ATP8B1: variants seen among roughly 807,000 people sequenced by gnomAD.
ATP8B1 encodes ATPase phospholipid transporting 8B1.
A neutral mutation model predicts 149.9 loss-of-function variants in ATP8B1; 80 were observed. That is an observed-to-expected ratio of 0.53 (90% CI 0.45 to 0.64). The LOEUF is 0.64. ATP8B1 is among the 30% of genes least tolerant of loss of function. The pLI is 0.00. For missense variants in ATP8B1, 1,247 were observed against 1,552.6 expected, an observed-to-expected ratio of 0.80 and a Z score of 3.31; for synonymous variants, 536 against 562.8, an observed-to-expected ratio of 0.95 and a Z score of 0.67.
At chr18:57,722,358 A>G (rs2079656061) in intron 2 of ATP8B1, among the ~76,000 whole-genome samples, 1 of 149,136 alleles carries the variant, frequency 6.7e-6, no homozygotes, top group African/African-American at 2.5e-5. Context: ...TAGCAAGATT[A>G]ATAAAGAAAA....
chr18:57,691,274 T>A (rs943804277), intron 12 of ATP8B1, among the ~76,000 whole-genome samples: 3 of 151,870 alleles, frequency 2.0e-5, no homozygotes, highest in Admixed American at 1.3e-4. Context: ...TTTGTTGTTG[T>A]GGTTGAGATT....
intron 27 of ATP8B1, 45 bp downstream of exon 27, chr18:57,650,322 G>A: frequency 3.1e-6 from 5 of 1,604,184 alleles, no homozygotes; most frequent in Non-Finnish European, 3.4e-6. Flanking sequence ...AAACGCTTTG[G>A]TTTCTGTGAG....
chr18:57,718,465 T>A (rs992601970), intron 2 of ATP8B1, among the ~76,000 whole-genome samples: 3 of 152,098 alleles, frequency 2.0e-5, no homozygotes, highest in Admixed American at 2.0e-4. Flanking sequence ...ACTCAATCTA[T>A]TCTAAAATAA....
At chr18:57,695,122 G>A (rs1488676387) in intron 10 of ATP8B1, 49 bp downstream of exon 10, 15 of 1,546,636 alleles carry the variant, frequency 9.7e-6, no homozygotes, top group South Asian at 4.4e-5. Context: ...TCCCCTCTAA[G>A]TCTTTAAAGA....
At chr18:57,726,576 C>T (rs1171352124) in intron 2 of ATP8B1, among the ~76,000 whole-genome samples, 1 of 152,148 alleles carries the variant, frequency 6.6e-6, no homozygotes, top group African/African-American at 2.4e-5. Flanking sequence ...GGACTGAGAA[C>T]CCCCAGTTAG....
Position 57,662,748 on chromosome 18 carries a change from T to C in ATP8B1, c.2286-133A>G, listed in dbSNP as rs1910554741. On this transcript the variant is annotated intron_variant, in intron 20 of 27. Coordinates refer to ENST00000648908, the MANE Select transcript of ATP8B1 (RefSeq NM_001374385.1). Reference sequence around the variant, plus strand: ...CATCTTACCTATTTTTGTTTCTTTATTTTATTTTCATTATAATTTTTTTGA... The same window carrying C: ...CATCTTACCTATTTTTGTTTCTTTACTTTATTTTCATTATAATTTTTTTGA... 5.8e-6 allele frequency: 6 copies of C among 1,036,886 alleles called. No individual in the cohort carries two copies. The East Asian group carries it at 1.6e-4, about 27-fold the overall frequency. 64.2% of individuals were successfully genotyped at this position (1,036,886 alleles called of 1,614,324 possible).
In ATP8B1 at chr18:57,668,468, C is replaced by T. The variant is rs1286573918; in HGVS notation, c.2170G>A (p.Ala724Thr). The T allele has an allele frequency of 6.2e-7, 1 of 1,603,980 alleles. No individual in the cohort carries two copies. Among genetic ancestry groups the T allele is most frequent in the Non-Finnish European group, 8.5e-7 (1 of 1,175,950 alleles). The change falls in exon 19 of 28, where the codon GCT becomes ACT. Residue 724 changes from alanine (A) to threonine (T), a missense_variant. By Grantham distance (58) the Ala-to-Thr change is moderately conservative (BLOSUM62 0). This residue lies in a region of ATP8B1 where 853 missense variants were observed against 1,035.7 expected (regional missense o/e 0.82). Transcript: ENST00000648908. Reference sequence around the variant, plus strand: ...GTAAGCACCCAGATCTTAATGTCAGCTTTTGCAAGTTTTGAAATGGTTTCT... The same window carrying T: ...GTAAGCACCCAGATCTTAATGTCAGTTTTTGCAAGTTTTGAAATGGTTTCT... Reference protein sequence around the residue: ...VPETISKLAKADIKIWVLTGD... With the variant: ...VPETISKLAKTDIKIWVLTGD...
In ATP8B1 at chr18:57,701,045, T is replaced by C. The variant is rs1299005182; in HGVS notation, c.548A>G (p.Asp183Gly). Residue 183 changes from aspartate (D) to glycine (G), a missense_variant, in exon 6 of 28, where the codon GAT (aspartate) becomes GGT (glycine). By Grantham distance (94) the Asp-to-Gly change is moderately conservative. This residue lies in a region of ATP8B1 where 853 missense variants were observed against 1,035.7 expected (regional missense o/e 0.82). Coordinates refer to ENST00000648908, the MANE Select transcript of ATP8B1 (RefSeq NM_001374385.1). The part of the protein sequence containing the change: ...INNRTCEVIK[D>G]GRFKVAKWKE... ...TACTAATTAGACACAGTACCTGCCATCCTTAATGACTTCACACGTCCTATT... is the reference window on the plus strand; with the variant it reads ...TACTAATTAGACACAGTACCTGCCACCCTTAATGACTTCACACGTCCTATT... 1 of 1,613,954 alleles carries C rather than the reference T, an allele frequency of 6.2e-7. No homozygotes were observed. The highest frequency in any genetic ancestry group is 8.5e-7 in the Non-Finnish European group (1 of 1,179,790).
intron 2 of ATP8B1, among the ~76,000 whole-genome samples, chr18:57,709,087 G>C (rs1009416986): frequency 6.6e-6 from 1 of 152,232 alleles, no homozygotes; most frequent in Non-Finnish European, 1.5e-5. Flanking sequence ...TCTGACTGCA[G>C]TCAAGTAATC....
At chr18:57,680,227 A>G in intron 15 of ATP8B1, among the ~76,000 whole-genome samples, 1 of 139,394 alleles carries the variant, frequency 7.2e-6, no homozygotes, top group Admixed American at 7.6e-5. Flanking sequence ...CAGTGAGCCA[A>G]GATTGCGGCA....
intron 20 of ATP8B1, among the ~76,000 whole-genome samples, chr18:57,663,568 C>G (rs574455133): frequency 2.6e-5 from 4 of 152,260 alleles, no homozygotes; most frequent in South Asian, 4.1e-4. Flanking sequence ...ACAAAGGTTC[C>G]TTCAACAATG....
intron 1 of ATP8B1, chr18:57,755,519 A>G (rs1412513377): frequency 6.6e-6 from 1 of 152,228 alleles, no homozygotes; most frequent in African/African-American, 2.4e-5. Flanking sequence ...AAAAAAATTA[A>G]AAGCCTTGAT....
rs1015009105 is a variant in ATP8B1, at chr18:57,732,096, T to C, written c.-25-264A>G. ...ACAAGGGTATATATATATATGTATG[T>C]GTATATATATATGTATATATGTATA... On this transcript the variant is annotated intron_variant, in intron 1 of 27. Coordinates refer to ENST00000648908, the MANE Select transcript of ATP8B1 (RefSeq NM_001374385.1). 5 of 234,712 alleles carry C rather than the reference T, an allele frequency of 2.1e-5. 1 individual carries two copies. The highest frequency in any genetic ancestry group is 1.4e-4 in the African/African-American group (5 of 34,790). The allele number at this position is 234,712 out of a possible 1,614,324, so 14.5% of individuals were successfully genotyped here.
At chr18:57,757,623 A>G (rs1288094041) in intron 1 of ATP8B1, among the ~76,000 whole-genome samples, 1 of 152,172 alleles carries the variant, frequency 6.6e-6, no homozygotes, top group Admixed American at 6.5e-5. Flanking sequence ...ATTGATTCCC[A>G]CAATGTTCTT....
intron 1 of ATP8B1, among the ~76,000 whole-genome samples, chr18:57,771,364 A>G (rs943836756): frequency 2.6e-5 from 4 of 152,120 alleles, no homozygotes; most frequent in Non-Finnish European, 5.9e-5. Context: ...GATATAGTCT[A>G]CCTCTCTCAG....
intron 23 of ATP8B1, among the ~76,000 whole-genome samples, chr18:57,654,738 G>A (rs1335040923): frequency 6.8e-6 from 1 of 146,416 alleles, no homozygotes; most frequent in Non-Finnish European, 1.5e-5. Flanking sequence ...CCAGGTTGGA[G>A]TGCAATAGCG....
At chr18:57,684,305 G>T in intron 14 of ATP8B1, 113 bp from the exon 15 acceptor site, 1 of 1,146,656 alleles carries the variant, frequency 8.7e-7, no homozygotes, top group African/African-American at 1.5e-5. Context: ...ACCACCTTAG[G>T]ATTTTAGCAC....
chr18:57,712,060 T>TATAC (rs1913715324), intron 2 of ATP8B1, among the ~76,000 whole-genome samples: 1 of 151,270 alleles, frequency 6.6e-6, no homozygotes, highest in Non-Finnish European at 1.5e-5. Flanking sequence ...TATATATATA[T>TATAC]ATATATATGG....
chr18:57,660,582 G>A (rs113667355), intron 22 of ATP8B1, among the ~76,000 whole-genome samples: 6 of 152,092 alleles, frequency 3.9e-5, no homozygotes, highest in Non-Finnish European at 7.4e-5. Context: ...GCAGTGGCAC[G>A]ATCTCAGCTC....
Sources: gnomAD v4.1 joint callset for allele counts (sites outside exome capture counted in the v4.1 genomes callset) on GRCh38, gnomAD v4.1.1 for gene constraint, gnomAD v4.1.1 regional missense constraint, MANE v1.5 for transcripts, NCBI Gene and HGNC (gene_info 2026-07-23, HGNC 2026-07-21) for gene names.